CFAP92: variants seen among roughly 807,000 people sequenced by gnomAD.
CFAP92 encodes cilia and flagella associated protein 92 (putative).
A neutral mutation model predicts 106.3 loss-of-function variants in CFAP92; 86 were observed. The ratio of observed to expected loss-of-function variants is 0.81; its 90% CI spans 0.68 to 0.97. CFAP92 has a LOEUF of 0.97. Among genes scored for constraint, CFAP92 ranks in the 50% least tolerant of loss-of-function variants. CFAP92 has a pLI of 0.00. For synonymous variants in CFAP92, 477 were observed against 506.4 expected (o/e 0.94, Z 0.78); for missense variants, 1,204 against 1,283.8 (o/e 0.94, Z 0.95).
At chr3:129,022,612 G>A in the CFAP92 span, among the ~76,000 whole-genome samples, 1 of 152,314 alleles carries the variant, frequency 6.6e-6, no homozygotes, top group Admixed American at 6.5e-5. Flanking sequence ...CAGCTGGAGG[G>A]AACACCCAAC....
intron 11 of CFAP92, among the ~76,000 whole-genome samples, chr3:128,934,139 TTA>T (rs1938718984): frequency 1.6e-5 from 1 of 60,772 alleles, no homozygotes; most frequent in Non-Finnish European, 2.9e-5. Context: ...CCTGTGTTCT[TTA>T]TGTCATCTCT....
At chr3:128,966,701 G>A (rs1034042465) in intron 8 of CFAP92, 4 of 151,944 alleles carry the variant, frequency 2.6e-5, no homozygotes, top group Non-Finnish European at 5.9e-5. Flanking sequence ...CTCCCAAGTA[G>A]CTGGGACTAC....
chr3:128,988,862 C>T lies in CFAP92; in HGVS notation c.319G>A (p.Asp107Asn), dbSNP rs1465173241. The part of the protein sequence containing the change: ...IEKYKKHPKT[D>N]SSVTKMRRFY... ...CGACGCATCTTTGTAACAGAACTGT[C>T]TGTTTTAGGGTGTTTCTTATATTTT... Residue 107 changes from aspartate (D) to asparagine (N), a missense_variant, in exon 3 of 16, where the codon GAC becomes AAC. Physicochemically the swap from Asp to Asn is conservative, Grantham distance 23. Coordinates refer to ENST00000645291, the MANE Select transcript of CFAP92 (RefSeq NM_001394090.1). The T allele has an allele frequency of 1.2e-6, 2 of 1,613,880 alleles. No homozygotes were observed. Among genetic ancestry groups the T allele is most frequent in the Non-Finnish European group, 1.7e-6 (2 of 1,179,788 alleles).
intron 7 of CFAP92, 57 bp from the exon 8 acceptor site, chr3:128,971,490 T>C (rs1942793056): frequency 5.9e-6 from 8 of 1,356,524 alleles, no homozygotes; most frequent in Middle Eastern, 1.9e-4. Context: ...TGAGCTGCCA[T>C]ATGTGGACCT....
At chr3:128,913,015 T>G (rs1936519048) in intron 15 of CFAP92, 2 of 459,368 alleles carry the variant, frequency 4.4e-6, no homozygotes, top group Non-Finnish European at 8.7e-6. Context: ...TTGAAAGCTC[T>G]GTCTGGGTCA....
At chr3:129,017,032 T>C in the CFAP92 span, among the ~76,000 whole-genome samples, 1 of 152,236 alleles carries the variant, frequency 6.6e-6, no homozygotes, top group Non-Finnish European at 1.5e-5. Context: ...CCTCAGCTTG[T>C]CATTTTGGCC....
chr3:128,910,919 TCA>T (rs1936226101), intron 15 of CFAP92: 7 of 1,344,164 alleles, frequency 5.2e-6, no homozygotes, highest in Non-Finnish European at 5.3e-6. Context: ...TGCTAGCTAC[TCA>T]CAGACCTCTG....
chr3:128,912,686 A>G (rs752746537), intron 15 of CFAP92: 1 of 1,277,954 alleles, frequency 7.8e-7, no homozygotes, highest in South Asian at 1.2e-5. Flanking sequence ...TTTTTTCAGA[A>G]GGTGTTGGGA....
intron 11 of CFAP92, 150 bp from the exon 12 acceptor site, chr3:128,933,147 T>A: frequency 1.3e-6 from 1 of 747,014 alleles, no homozygotes; most frequent in East Asian, 2.7e-5. Context: ...CCAATTCCAG[T>A]CTGCTGAGCC....
At chr3:128,956,597 G>A (rs1448743490) in intron 9 of CFAP92, among the ~76,000 whole-genome samples, 6 of 150,550 alleles carry the variant, frequency 4.0e-5, no homozygotes, top group African/African-American at 1.2e-4. Context: ...TTACTTATAG[G>A]GAAAAAAAAG....
At chr3:128,957,557 A>C (rs541239972) in intron 9 of CFAP92, among the ~76,000 whole-genome samples, 1 of 152,222 alleles carries the variant, frequency 6.6e-6, no homozygotes, top group Non-Finnish European at 1.5e-5. Flanking sequence ...AACCCACAAG[A>C]AAGCAGGAAT....
chr3:128,935,093 C>T (rs1194700769), intron 11 of CFAP92, 32 bp downstream of exon 11: 15 of 1,480,304 alleles, frequency 1.0e-5, no homozygotes, highest in Admixed American at 2.2e-5. Flanking sequence ...CCCGCCGGGG[C>T]GCAGGACCAC....
At chr3:128,932,591 G>A (rs933502097) in intron 12 of CFAP92, 109 bp downstream of exon 12, 6 of 1,139,112 alleles carry the variant, frequency 5.3e-6, no homozygotes, top group East Asian at 2.6e-5. Context: ...GCGCAGGCAC[G>A]ACCAGAGGCA....
At chr3:128,991,785 T>C (rs1393958063) in intron 2 of CFAP92, 12 of 993,898 alleles carry the variant, frequency 1.2e-5, no homozygotes, top group Non-Finnish European at 1.4e-5. Context: ...ACAAGAAACT[T>C]ACACCATCGA....
intron 9 of CFAP92, among the ~76,000 whole-genome samples, chr3:128,959,045 T>G (rs1368633771): frequency 1.3e-5 from 2 of 151,930 alleles, no homozygotes; most frequent in African/African-American, 2.4e-5. Context: ...ACCCTGTCTC[T>G]ACTAAAAATA....
the CFAP92 span, among the ~76,000 whole-genome samples, chr3:129,009,309 C>G: frequency 6.6e-6 from 1 of 152,216 alleles, no homozygotes; most frequent in Admixed American, 6.5e-5. Context: ...CAGCTTCAGA[C>G]ATGGCTGGAT....
chr3:128,942,385 G>A (rs912891529), intron 10 of CFAP92, among the ~76,000 whole-genome samples: 10 of 152,174 alleles, frequency 6.6e-5, no homozygotes, highest in African/African-American at 1.7e-4. Flanking sequence ...CAGCCCTGGC[G>A]GCCACAGTTT....
chr3:128,912,573 A>C, intron 15 of CFAP92: 1 of 1,614,166 alleles, frequency 6.2e-7, no homozygotes, highest in Non-Finnish European at 8.5e-7. Flanking sequence ...AAGCGAGCCT[A>C]TATCTGTGCC....
intron 8 of CFAP92, chr3:128,970,890 G>A (rs2107779170): frequency 4.7e-6 from 1 of 212,078 alleles, no homozygotes; most frequent in Admixed American, 5.5e-5. Flanking sequence ...CACCCAGAGG[G>A]GCTCAGTCAA....
Sources: gnomAD v4.1 joint callset for allele counts (sites outside exome capture counted in the v4.1 genomes callset) on GRCh38, gnomAD v4.1.1 for gene constraint, MANE v1.5 for transcripts, NCBI Gene and HGNC (gene_info 2026-07-23, HGNC 2026-07-21) for gene names.